Variants in GALNT15 observed in about 807,000 individuals in gnomAD.
GALNT15 encodes UDP-GalNAc transferase T15.
In GALNT15, 67 loss-of-function variants were observed where a neutral mutation model predicts 66.8. The ratio of observed to expected loss-of-function variants is 1.00; its 90% CI spans 0.82 to 1.23. The LOEUF (loss-of-function observed/expected upper bound fraction) is 1.23. Among genes scored for constraint, GALNT15 ranks in the 50% most tolerant of loss-of-function variants. The pLI is 0.00. For synonymous variants in GALNT15, 313 were observed against 311.5 expected (o/e 1.00, Z -0.05); for missense variants, 827 against 804.3 (o/e 1.03, Z -0.34).
chr3:16,205,188 C>G (rs535649734), intron 3 of GALNT15, among the ~76,000 whole-genome samples: 5 of 152,314 alleles, frequency 3.3e-5, no homozygotes, highest in African/African-American at 9.6e-5. Context: ...GAATTCAGAG[C>G]CTTCTGCTTC....
intron 1 of GALNT15, among the ~76,000 whole-genome samples, chr3:16,192,047 AC>A (rs943999258): frequency 2.0e-5 from 3 of 152,206 alleles, no homozygotes; most frequent in Non-Finnish European, 4.4e-5. Flanking sequence ...GGTTACCCTT[AC>A]CTTCCAAATG....
chr3:16,178,237 C>T (rs1357922242), intron 1 of GALNT15, among the ~76,000 whole-genome samples: 1 of 151,842 alleles, frequency 6.6e-6, no homozygotes, highest in Non-Finnish European at 1.5e-5. Context: ...CTGTGAGTTG[C>T]GTGGTGCAAG....
downstream of GALNT15, among the ~76,000 whole-genome samples, chr3:16,231,111 G>A (rs1484653848): frequency 1.4e-5 from 2 of 140,444 alleles, no homozygotes; most frequent in Non-Finnish European, 3.1e-5. This position sits in a 1 kb window ranked among gnomAD's most constrained non-coding sequence, Gnocchi z 4.1. Context: ...CATGGACATA[G>A]GGAGGGGAAC....
In GALNT15 at chr3:16,229,567, T is replaced by C. The variant is rs538358395; in HGVS notation, c.*2067T>C. On this transcript the variant is annotated 3_prime_UTR_variant, in exon 10 of 10. Transcript: ENST00000339732. The stretch of plus-strand genomic sequence containing the variant: ...ATTTAAAACAAATTTCCCTAAATCC[T>C]GAGACTGAGACGGAGCTACAAATTC... 12 of 985,332 alleles carry C rather than the reference T, an allele frequency of 1.2e-5. No individual in the cohort carries two copies. In the East Asian group the frequency reaches 1.1e-3, roughly 93 times the overall value. The allele number at this position is 985,332 out of a possible 1,614,324, so 61.0% of individuals were successfully genotyped here.
rs928145842 is a variant in GALNT15 at position 16,202,632 on chromosome 3, C to T, written c.911+1809C>T. Reference sequence around the variant, plus strand: ...TGGGCAACAGAGCAAGACTCCATCCCGAAAAGAAAAGAAAATGCACAAGCC... The same window carrying T: ...TGGGCAACAGAGCAAGACTCCATCCTGAAAAGAAAAGAAAATGCACAAGCC... On this transcript the variant is annotated intron_variant, in intron 3 of 9. Coordinates refer to ENST00000339732, the MANE Select transcript of GALNT15 (RefSeq NM_054110.5). Among the ~76,000 whole-genome samples the T allele has an allele frequency of 1.2e-4, 19 of 152,270 alleles. No homozygotes were observed. The East Asian group carries it at 2.5e-3, about 20-fold the overall frequency.
chr3:16,231,875 A>G, downstream of GALNT15: 1 of 1,536,328 alleles, frequency 6.5e-7, no homozygotes, highest in Non-Finnish European at 8.7e-7. This position sits in a 1 kb window ranked among gnomAD's most constrained non-coding sequence, Gnocchi z 4.1. Context: ...AATGGGTAGG[A>G]CATCATTTGC....
At chr3:16,243,903 C>T in the GALNT15 span, 25 of 650,882 alleles carry the variant, frequency 3.8e-5, no homozygotes, top group Non-Finnish European at 1.3e-5. Context: ...ACCACAGCCA[C>T]AGATTGACCT....
In GALNT15 at chr3:16,200,828, CTT is replaced by C. The variant is rs772728197; in HGVS notation, c.911+6_911+7del. The C allele has an allele frequency of 3.1e-6, 5 of 1,595,716 alleles. No individual in the cohort carries two copies. In the Admixed American group the frequency reaches 6.9e-5, roughly 22 times the overall value. ...CAGCAGAATAGCTGGTGACAGGTAA[CTT>C]ATTCCCTGGGCTTGCAAAGCAAGAC... On this transcript the variant is annotated splice_donor_region_variant and intron_variant, in intron 3 of 9. Coordinates refer to ENST00000339732, the MANE Select transcript of GALNT15 (RefSeq NM_054110.5). This position sits in a 1 kb window ranked among gnomAD's most constrained non-coding sequence, Gnocchi z 4.4.
chr3:16,220,537 T>A (rs2063931718), intron 8 of GALNT15, among the ~76,000 whole-genome samples: 1 of 152,166 alleles, frequency 6.6e-6, no homozygotes, highest in Admixed American at 6.5e-5. Context: ...GTGGTAGAAA[T>A]CCTCCACCGA....
At chr3:16,205,028 C>A (rs1398016671) in intron 3 of GALNT15, among the ~76,000 whole-genome samples, 1 of 152,202 alleles carries the variant, frequency 6.6e-6, no homozygotes, top group African/African-American at 2.4e-5. Context: ...CCAGAGGGAG[C>A]AGCCTTCTTT....
At chr3:16,233,092 A>ATTTTTTTTTT (rs771943641), downstream of GALNT15, among the ~76,000 whole-genome samples, 1 of 48,074 alleles carries the variant, frequency 2.1e-5, no homozygotes, top group African/African-American at 8.8e-5. Context: ...AGGATAATGC[A>ATTTTTTTTTT]TCTTTTTTTT....
At chr3:16,241,002 T>G in the GALNT15 span, among the ~76,000 whole-genome samples, 19 of 152,162 alleles carry the variant, frequency 1.2e-4, no homozygotes. The surrounding 1 kb of genome is among the most constrained non-coding windows in gnomAD (Gnocchi z 4.6). Context: ...CAGAATGCCC[T>G]TCCCTCCGTT....
intron 1 of GALNT15, among the ~76,000 whole-genome samples, chr3:16,178,265 CTG>C (rs968098211): frequency 1.3e-5 from 2 of 151,986 alleles, no homozygotes; most frequent in Non-Finnish European, 2.9e-5. Flanking sequence ...ACATTTTGTG[CTG>C]TGTGTGTTTG....
downstream of GALNT15, among the ~76,000 whole-genome samples, chr3:16,232,673 C>A (rs2064096418): frequency 2.0e-5 from 3 of 150,560 alleles, no homozygotes; most frequent in Admixed American, 1.3e-4. Flanking sequence ...TGGGACAGAG[C>A]ACCTTGATAG....
chr3:16,228,818 G>C lies in GALNT15; in HGVS notation c.*1318G>C, dbSNP rs1239737567. The C allele has an allele frequency of 1.0e-6, 1 of 985,272 alleles. No homozygotes were observed. The highest frequency in any genetic ancestry group is 1.2e-6 in the Non-Finnish European group (1 of 829,936). 61.0% of individuals were successfully genotyped at this position (985,272 alleles called of 1,614,324 possible). A position where few individuals can be genotyped will look rare whatever the true frequency, so the allele number is the denominator to read the frequency against. Reference sequence around the variant, plus strand: ...TTGGGTGTTAATGTCCATGAGAGCTGACAGGGCCATCTCTGAGCCCATATA... The same window carrying C: ...TTGGGTGTTAATGTCCATGAGAGCTCACAGGGCCATCTCTGAGCCCATATA... On this transcript the variant is annotated 3_prime_UTR_variant, in exon 10 of 10. Coordinates refer to ENST00000339732, the MANE Select transcript of GALNT15 (RefSeq NM_054110.5).
downstream of GALNT15, among the ~76,000 whole-genome samples, chr3:16,233,094 C>CTTTTTTTTTTTTTGTTTTTTTTTTTT: frequency 1.6e-5 from 1 of 61,208 alleles, no homozygotes; most frequent in African/African-American, 6.6e-5. Flanking sequence ...GATAATGCAT[C>CTTTTTTTTTTTTTGTTTTTTTTTTTT]TTTTTTTTTT....
At chr3:16,231,796 G>T, downstream of GALNT15, 2 of 1,535,976 alleles carry the variant, frequency 1.3e-6, no homozygotes, top group South Asian at 1.2e-5. The surrounding 1 kb of genome is among the most constrained non-coding windows in gnomAD (Gnocchi z 4.1). Context: ...CTCTCAGGAT[G>T]AGAACAGGGC....
Position 16,219,675 on chromosome 3 carries a change from C to T in GALNT15, c.1524+141C>T. The stretch of plus-strand genomic sequence containing the variant: ...AGGCCTTGGGTCCATCCCGTGCCTC[C>T]ATGCCAGTCTGAGGAAGGTGGCTGA... On this transcript the variant is annotated intron_variant, in intron 7 of 9. Coordinates refer to ENST00000339732, the MANE Select transcript of GALNT15 (RefSeq NM_054110.5). This position sits in a 1 kb window ranked among gnomAD's most constrained non-coding sequence, Gnocchi z 4.3. 2 of 1,229,946 alleles carry T rather than the reference C, an allele frequency of 1.6e-6. No homozygotes were observed. The highest frequency in any genetic ancestry group is 1.5e-5 in the African/African-American group (1 of 66,630). The allele number at this position is 1,229,946 out of a possible 1,614,324, so 76.2% of individuals were successfully genotyped here.
At chr3:16,231,753 C>T (rs1186063414), downstream of GALNT15, 1 of 1,431,300 alleles carries the variant, frequency 7.0e-7, no homozygotes, top group Non-Finnish European at 9.5e-7. This position sits in a 1 kb window ranked among gnomAD's most constrained non-coding sequence, Gnocchi z 4.1. Flanking sequence ...ATGATACAGT[C>T]CTTCCTCTCT....
Sources: allele counts gnomAD v4.1 joint callset (sites outside exome capture counted in the v4.1 genomes callset), GRCh38; gene constraint gnomAD v4.1.1; non-coding constraint Gnocchi (gnomAD v3.1); transcripts MANE v1.5; gene names NCBI Gene and HGNC (gene_info 2026-07-23, HGNC 2026-07-21).